The following UBN2 variants were observed in gnomAD, a reference collection of about 807,000 sequenced individuals.
UBN2 encodes the protein ubinuclein-2.
UBN2 carries 35 observed loss-of-function variants against 120.2 expected under a neutral mutation model. The ratio of observed to expected loss-of-function variants is 0.29; its 90% CI spans 0.22 to 0.39. UBN2 has a LOEUF of 0.39. UBN2 is among the 10% of genes least tolerant of loss of function. The pLI is 1.00. For synonymous variants in UBN2, 661 were observed against 648.7 expected, an observed-to-expected ratio of 1.02 and a Z score of -0.29; for missense variants, 1,693 against 1,663.2, an observed-to-expected ratio of 1.02 and a Z score of -0.31.
In UBN2 at chr7:139,261,400, A is replaced by G. The variant is rs748208259; in HGVS notation, c.1054A>G (p.Thr352Ala). 11 of 1,614,040 alleles carry G rather than the reference A, an allele frequency of 6.8e-6. No homozygotes were observed. The highest frequency in any genetic ancestry group is 6.7e-5 in the East Asian group (3 of 44,898). ...SNPKVPVTLS[T>A]PSLNKPPCAA... ...CCCCAAAGTCCCAGTGACCTTGTCA[A>G]CCCCTTCTCTGAATAAACCCCCATG... Residue 352 changes from threonine to alanine, a missense_variant, in exon 6 of 18, where the codon ACC (threonine) becomes GCC (alanine). By Grantham distance (58) the Thr-to-Ala change is moderately conservative. Transcript: ENST00000473989.
rs7795988 is a variant in UBN2 at position 139,278,506 on chromosome 7, A to G, written c.2025-812A>G. 4.5e-3 allele frequency among the ~76,000 whole-genome samples: 686 copies of G among 151,804 alleles called. 5 individuals are homozygous for G. Among genetic ancestry groups the G allele is most frequent in the African/African-American group, 0.015 (641 of 41,398 alleles). ...CTTCTCCCTTTTTTTAAATAGCTTC[A>G]TTATTATCATTAACTTTGTGTTTTG... On this transcript the variant is annotated intron_variant, in intron 12 of 17. Coordinates refer to ENST00000473989, the MANE Select transcript of UBN2 (RefSeq NM_173569.4).
chr7:139,329,296 G>A, the UBN2 span, among the ~76,000 whole-genome samples: 1 of 151,276 alleles, frequency 6.6e-6, no homozygotes, highest in South Asian at 2.1e-4. Flanking sequence ...GGGTCAAGGA[G>A]AAATCGGATA....
intron 2 of UBN2, among the ~76,000 whole-genome samples, chr7:139,249,213 C>T (rs1477435823): frequency 6.6e-6 from 1 of 152,060 alleles, no homozygotes; most frequent in African/African-American, 2.4e-5. Context: ...ACTTACATTT[C>T]GCACCACAGT....
At chr7:139,321,534 G>A in the UBN2 span, among the ~76,000 whole-genome samples, 1 of 152,186 alleles carries the variant, frequency 6.6e-6, no homozygotes, top group African/African-American at 2.4e-5. Flanking sequence ...TCTAGAAAGG[G>A]AGACAGCCTT....
At position 139,231,392 on chromosome 7, in the gene UBN2, C is replaced by T; in HGVS notation, c.-93C>T. ...CTGAGGGTGGTGGAGGGAAGAAAAG[C>T]GACAGAGAGCAAGAGGAAGGGCGGG... On this transcript the variant is annotated 5_prime_UTR_variant, in exon 1 of 18. Coordinates refer to ENST00000473989, the MANE Select transcript of UBN2 (RefSeq NM_173569.4). 4 of 1,079,258 alleles carry T rather than the reference C, an allele frequency of 3.7e-6. No homozygotes were observed. Among genetic ancestry groups the T allele is most frequent in the Non-Finnish European group, 4.7e-6 (4 of 843,662 alleles). The allele number at this position is 1,079,258 out of a possible 1,614,324, so 66.9% of individuals were successfully genotyped here. A position where few individuals can be genotyped will look rare whatever the true frequency, so the allele number is the denominator to read the frequency against.
Position 139,303,089 on chromosome 7 carries a change from T to A in UBN2, c.*5253T>A, listed in dbSNP as rs182973906. 1.5e-4 allele frequency: 23 copies of A among 152,336 alleles called. No homozygotes were observed. Among genetic ancestry groups the A allele is most frequent in the African/African-American group, 5.5e-4 (23 of 41,578 alleles). The allele number at this position is 152,336 out of a possible 1,614,324, so 9.4% of individuals were successfully genotyped here. On this transcript the variant is annotated 3_prime_UTR_variant, in exon 18 of 18. Coordinates refer to ENST00000473989, the MANE Select transcript of UBN2 (RefSeq NM_173569.4). ...ATGATTTTTGAAGAAATCATATAGC[T>A]GCATATCTATCTGTTAAAAGGTTAA...
intron 11 of UBN2, among the ~76,000 whole-genome samples, chr7:139,275,227 G>GAGATTGCACCA (rs1267784344): frequency 1.4e-5 from 2 of 145,340 alleles, no homozygotes; most frequent in Non-Finnish European, 3.0e-5. Flanking sequence ...ACAGTGAGCC[G>GAGATTGCACCA]AGATTGCACC....
In UBN2 at chr7:139,283,129, A is replaced by G. The variant is rs767537658; in HGVS notation, c.2224A>G (p.Ser742Gly). The G allele has an allele frequency of 6.2e-7, 1 of 1,612,636 alleles. No individual in the cohort carries two copies. Among genetic ancestry groups the G allele is most frequent in the South Asian group, 1.1e-5 (1 of 90,976 alleles). Reference sequence around the variant, plus strand: ...AGCTGCCATTGCTGCAGCTAGCTCTAGCTCTGCACCAGCCCAAGAAACCAT... The same window carrying G: ...AGCTGCCATTGCTGCAGCTAGCTCTGGCTCTGCACCAGCCCAAGAAACCAT... Reference protein sequence around the residue: ...STAAIAAASSSSAPAQETICL... With the variant: ...STAAIAAASSGSAPAQETICL... The change falls in exon 15 of 18, where the codon AGC (serine) becomes GGC (glycine). Residue 742 changes from serine to glycine, a missense_variant. Coordinates refer to ENST00000473989, the MANE Select transcript of UBN2 (RefSeq NM_173569.4).
rs1411184947 is a variant in UBN2, at chr7:139,302,156, CAG to C, written c.*4321_*4322del. 1.3e-5 allele frequency: 2 copies of C among 152,050 alleles called. No individual in the cohort carries two copies. Among genetic ancestry groups the C allele is most frequent in the African/African-American group, 2.4e-5 (1 of 41,388 alleles). The allele number at this position is 152,050 out of a possible 1,614,324, so 9.4% of individuals were successfully genotyped here. On this transcript the variant is annotated 3_prime_UTR_variant, in exon 18 of 18. Coordinates refer to ENST00000473989, the MANE Select transcript of UBN2 (RefSeq NM_173569.4). The stretch of plus-strand genomic sequence containing the variant: ...TATCTTAAAGTACAGACTGATAAGT[CAG>C]GGGATTCAGGAGGAAGAATCTCACA...
At chr7:139,236,820 C>T (rs1395015611) in intron 1 of UBN2, among the ~76,000 whole-genome samples, 185 bp from the exon 2 acceptor site, 1 of 151,332 alleles carries the variant, frequency 6.6e-6, no homozygotes, top group Non-Finnish European at 1.5e-5. Flanking sequence ...AAGATATAGT[C>T]TCTGAGTAAT....
At chr7:139,249,157 T>C (rs367861354) in intron 2 of UBN2, among the ~76,000 whole-genome samples, 1 of 152,106 alleles carries the variant, frequency 6.6e-6, no homozygotes, top group African/African-American at 2.4e-5. Context: ...GAATTGTACT[T>C]GAAACTTTTA....
At chr7:139,242,986 T>C (rs1441566922) in intron 2 of UBN2, among the ~76,000 whole-genome samples, 2 of 152,212 alleles carry the variant, frequency 1.3e-5, no homozygotes, top group South Asian at 2.1e-4. Flanking sequence ...GTGTGTTTTT[T>C]AGTAATCAGG....
At chr7:139,294,562 C>T (rs1304787625) in intron 17 of UBN2, among the ~76,000 whole-genome samples, 1 of 152,182 alleles carries the variant, frequency 6.6e-6, no homozygotes, top group Admixed American at 6.5e-5. Context: ...ATGATCCTGC[C>T]AGGCACAGTG....
At chr7:139,287,105 G>GA (rs985778472) in intron 15 of UBN2, among the ~76,000 whole-genome samples, 9 of 151,620 alleles carry the variant, frequency 5.9e-5, no homozygotes, top group East Asian at 1.9e-4. Flanking sequence ...CTTCCCTTAT[G>GA]AAAAAAAAGG....
chr7:139,231,830 G>T lies in UBN2; in HGVS notation c.346G>T (p.Ala116Ser), dbSNP rs752703784. Residue 116 changes from alanine to serine, a missense_variant, in exon 1 of 18, where the codon GCT becomes TCT. By Grantham distance (99) the Ala-to-Ser change is moderately conservative. Coordinates refer to ENST00000473989, the MANE Select transcript of UBN2 (RefSeq NM_173569.4). ...PPPPRESASR[A>S]EQPPRPPRET... ...CCCGCCGCGGGAGTCGGCTTCCCGGGCTGAGCAGCCGCCGCGGCCGCCGAG... is the reference window on the plus strand; with the variant it reads ...CCCGCCGCGGGAGTCGGCTTCCCGGTCTGAGCAGCCGCCGCGGCCGCCGAG... 3 of 1,519,020 alleles carry T rather than the reference G, an allele frequency of 2.0e-6. No homozygotes were observed. In the African/African-American group the frequency reaches 4.3e-5, roughly 22 times the overall value. 94.1% of individuals were successfully genotyped at this position (1,519,020 alleles called of 1,614,324 possible).
chr7:139,266,293 G>A, intron 6 of UBN2, 40 bp from the exon 7 acceptor site: 1 of 1,234,324 alleles, frequency 8.1e-7, no homozygotes, highest in Non-Finnish European at 1.2e-6. Flanking sequence ...ATAGAGTAAT[G>A]GCCTATTTTG....
chr7:139,323,892 T>G, the UBN2 span, among the ~76,000 whole-genome samples: 1 of 152,112 alleles, frequency 6.6e-6, no homozygotes, highest in African/African-American at 2.4e-5. Flanking sequence ...GAGGCCATGG[T>G]AGACCTAAAA....
intron 15 of UBN2, among the ~76,000 whole-genome samples, chr7:139,288,522 A>G (rs1204549673): frequency 6.6e-6 from 1 of 152,160 alleles, no homozygotes; most frequent in Admixed American, 6.5e-5. Context: ...GACCAGAACC[A>G]TGTCATGGAG....
intron 2 of UBN2, among the ~76,000 whole-genome samples, chr7:139,245,179 A>G (rs1796436713): frequency 6.9e-6 from 1 of 145,712 alleles, no homozygotes; most frequent in Non-Finnish European, 1.5e-5. Flanking sequence ...GGCTCAAGCG[A>G]TCAACCTGCT....
Sources: allele counts gnomAD v4.1 joint callset (sites outside exome capture counted in the v4.1 genomes callset), GRCh38; gene constraint gnomAD v4.1.1; transcripts MANE v1.5; gene names NCBI Gene and HGNC (gene_info 2026-07-23, HGNC 2026-07-21).